RPL7A: variants seen among roughly 807,000 people sequenced by gnomAD.
RPL7A encodes the protein ribosomal protein L7a.
For missense variants in RPL7A, 291 were observed against 338.2 expected (o/e 0.86, Z 1.09); for synonymous variants, 158 against 128.2 (o/e 1.23, Z -1.57).
intron 4 of RPL7A, 71 bp downstream of exon 4, chr9:133,350,123 A>T (rs2129991526): frequency 1.2e-6 from 2 of 1,613,766 alleles, no homozygotes; most frequent in South Asian, 2.2e-5. Context: ...TCTTGGCCTG[A>T]AATTACTGTG....
rs1490553813 is a variant in RPL7A, at chr9:133,350,316, C to T, written c.492C>T (p.Ile164=). ...LVVIAHDVDP[I]ELVVFLPALC... ...TGATTGCACACGACGTGGATCCCAT[C>T]GAGGTGCGTTTGCCTGTTGACTGCT... Residue 164 remains isoleucine, a synonymous_variant, in exon 5 of 8, where the codon ATC becomes ATT. Transcript: ENST00000323345. 32 of 1,613,828 alleles carry T rather than the reference C, an allele frequency of 2.0e-5. No individual in the cohort carries two copies. The highest frequency in any genetic ancestry group is 6.7e-5 in the East Asian group (3 of 44,886).
rs200168190 is a variant in RPL7A, at chr9:133,348,233, C to T, written c.-11C>T. On this transcript the variant is annotated 5_prime_UTR_variant, in exon 1 of 8. Transcript: ENST00000323345. ...ATTCCCTTTCCTTTCTCTCTCCTCC[C>T]GCCGCCCAAGATGGTGAGTGAGCTG... 105 of 1,614,114 alleles carry T rather than the reference C, an allele frequency of 6.5e-5. No individual in the cohort carries two copies. In the African/African-American group the frequency reaches 7.9e-4, roughly 12 times the overall value.
At chr9:133,351,154 C>A in intron 7 of RPL7A, 83 bp downstream of exon 7, 1 of 1,545,082 alleles carries the variant, frequency 6.5e-7, no homozygotes, top group Non-Finnish European at 8.9e-7. Context: ...ATGAGAAGTT[C>A]TATCTGACGA....
intron 1 of RPL7A, 197 bp from the exon 2 acceptor site, chr9:133,348,725 C>G (rs1217457654): frequency 9.5e-6 from 8 of 843,022 alleles, no homozygotes; most frequent in African/African-American, 1.7e-5. Context: ...TCGGGGTTCC[C>G]GGGGCTGCAT....
In RPL7A at chr9:133,349,998, A is replaced by G. The variant is rs2129990570; in HGVS notation, c.361A>G (p.Lys121Glu). ...KQRLLARAEK[K>E]AAGKGDVPTK... ...GAGACTGTTGGCCCGGGCCGAGAAG[A>G]AGGCTGCTGGCAAAGGGGACGTCCC... Residue 121 changes from lysine (K) to glutamate (E), a missense_variant, in exon 4 of 8, where the codon AAG (lysine) becomes GAG (glutamate). Lys to Glu is a moderately conservative substitution (Grantham distance 56). Transcript: ENST00000323345. 8.1e-6 allele frequency: 13 copies of G among 1,612,834 alleles called. No individual in the cohort carries two copies. Among genetic ancestry groups the G allele is most frequent in the East Asian group, 2.2e-5 (1 of 44,884 alleles).
At position 133,348,696 on chromosome 9, in the gene RPL7A, T is replaced by A. The variant is rs1047828542; in HGVS notation, c.4-226T>A. On this transcript the variant is annotated intron_variant, in intron 1 of 7. Transcript: ENST00000323345. ...ACGCGAAGAGAGCGTGGTCTCGGGC[T>A]TAGCCTTGCTCTGGCCACTCGGGGT... 1.1e-5 allele frequency: 8 copies of A among 734,474 alleles called. 2 individuals are homozygous for A. The highest frequency in any genetic ancestry group is 7.4e-5 in the South Asian group (5 of 67,240). 45.5% of individuals were successfully genotyped at this position (734,474 alleles called of 1,614,324 possible).
intron 3 of RPL7A, 69 bp downstream of exon 3, chr9:133,349,769 G>A (rs1433979006): frequency 6.3e-7 from 1 of 1,599,848 alleles, no homozygotes; most frequent in African/African-American, 1.3e-5. Context: ...AACATGAGGG[G>A]GATGGTCTTA....
At chr9:133,350,184 C>T in intron 4 of RPL7A, 56 bp from the exon 5 acceptor site, 2 of 1,611,450 alleles carry the variant, frequency 1.2e-6, no homozygotes, top group Non-Finnish European at 1.7e-6. Context: ...AGCCCAGCAG[C>T]TTCTTGTGAC....
intron 3 of RPL7A, 106 bp downstream of exon 3, chr9:133,349,806 A>T: frequency 6.3e-7 from 1 of 1,580,200 alleles, no homozygotes; most frequent in Non-Finnish European, 8.6e-7. Flanking sequence ...GTTGTCATTA[A>T]ATTATAGTCA....
At position 133,351,264 on chromosome 9, in the gene RPL7A, C is replaced by G. The variant is rs1836391541; in HGVS notation, c.699C>G (p.Ile233Met). 1 of 1,613,516 alleles carries G rather than the reference C, an allele frequency of 6.2e-7. No individual in the cohort carries two copies. Among genetic ancestry groups the G allele is most frequent in the African/African-American group, 1.3e-5 (1 of 74,910 alleles). ...RTNYNDRYDE[I>M]RRHWGGNVLG... is the part of the protein sequence containing the mutation. ...ACTGCCTCTTTTTGTCTTTTCAGAT[C>G]CGCCGTCACTGGGGTGGCAATGTCC... Residue 233 changes from isoleucine to methionine, a missense_variant and splice_region_variant, in exon 8 of 8, where the codon ATC becomes ATG. By Grantham distance (10) the Ile-to-Met change is conservative. Transcript: ENST00000323345.
intron 2 of RPL7A, 136 bp from the exon 3 acceptor site, chr9:133,349,415 T>C (rs2129985796): frequency 8.3e-6 from 9 of 1,086,992 alleles, no homozygotes; most frequent in South Asian, 5.0e-5. Flanking sequence ...TGTAAAAGAA[T>C]ATTTGCTATC....
chr9:133,351,215 C>G lies in RPL7A; in HGVS notation c.697-47C>G, dbSNP rs112786994. ...TAACGCAACTAATAACCTTGAAAAT[C>G]TCAGAAAACAGTAAGCCAAGCTAAC... On this transcript the variant is annotated intron_variant, in intron 7 of 7. Coordinates refer to ENST00000323345, the MANE Select transcript of RPL7A (RefSeq NM_000972.3). 1.4e-5 allele frequency: 22 copies of G among 1,587,562 alleles called. 1 individual carries two copies. Among genetic ancestry groups the G allele is most frequent in the African/African-American group, 1.1e-4 (8 of 74,480 alleles).
chr9:133,348,856 C>T (rs2129981573), intron 1 of RPL7A, 66 bp from the exon 2 acceptor site: 2 of 1,612,246 alleles, frequency 1.2e-6, no homozygotes, highest in Non-Finnish European at 1.7e-6. Context: ...GAGGAGCCAG[C>T]CTGAGCCCTA....
chr9:133,348,335 C>G, intron 1 of RPL7A, 89 bp downstream of exon 1: 1 of 1,553,946 alleles, frequency 6.4e-7, no homozygotes, highest in Non-Finnish European at 8.9e-7. Context: ...GGAGGGCCTC[C>G]TGCTCCTCCT....
At chr9:133,350,459 C>T in intron 5 of RPL7A, 138 bp from the exon 6 acceptor site, 1 of 1,516,210 alleles carries the variant, frequency 6.6e-7, no homozygotes, top group Non-Finnish European at 9.2e-7. Context: ...GTGGCTCTTG[C>T]AATGATGTGA....
rs2129976827 is a variant in RPL7A, at chr9:133,348,221, T to C, written c.-23T>C. Reference sequence around the variant, plus strand: ...ATATTACCCACAATTCCCTTTCCTTTCTCTCTCCTCCCGCCGCCCAAGATG... The same window carrying C: ...ATATTACCCACAATTCCCTTTCCTTCCTCTCTCCTCCCGCCGCCCAAGATG... On this transcript the variant is annotated 5_prime_UTR_variant, in exon 1 of 8. Coordinates refer to ENST00000323345, the MANE Select transcript of RPL7A (RefSeq NM_000972.3). 4 of 1,613,802 alleles carry C rather than the reference T, an allele frequency of 2.5e-6. No homozygotes were observed. Among genetic ancestry groups the C allele is most frequent in the Admixed American group, 1.7e-5 (1 of 60,002 alleles).
Position 133,351,263 on chromosome 9 carries a change from T to G in RPL7A, c.698T>G (p.Ile233Ser). 2 of 1,613,780 alleles carry G rather than the reference T, an allele frequency of 1.2e-6. No homozygotes were observed. The highest frequency in any genetic ancestry group is 1.7e-6 in the Non-Finnish European group (2 of 1,179,704). Residue 233 changes from isoleucine to serine, a missense_variant and splice_region_variant, in exon 8 of 8, where the codon ATC becomes AGC. By Grantham distance (142) the Ile-to-Ser change is moderately radical. Coordinates refer to ENST00000323345, the MANE Select transcript of RPL7A (RefSeq NM_000972.3). ...RTNYNDRYDE[I>S]RRHWGGNVLG... ...AACTGCCTCTTTTTGTCTTTTCAGA[T>G]CCGCCGTCACTGGGGTGGCAATGTC...
Position 133,348,935 on chromosome 9 carries a change from A to C in RPL7A, c.17A>C (p.Lys6Thr), listed in dbSNP as rs2129982276. ...CTTTCTGCCCAGCCGAAAGGAAAGA[A>C]GGCCAAGGGAAAGAAGGTGGCTCCG... MPKGKKAKGKKVAPAP... is the reference protein window; with the variant it reads MPKGKTAKGKKVAPAP... The change falls in exon 2 of 8, where the codon AAG (lysine) becomes ACG (threonine). Residue 6 changes from lysine (K) to threonine (T), a missense_variant. By Grantham distance (78) the Lys-to-Thr change is moderately conservative. Coordinates refer to ENST00000323345, the MANE Select transcript of RPL7A (RefSeq NM_000972.3). The C allele has an allele frequency of 3.1e-6, 5 of 1,613,984 alleles. No homozygotes were observed. Among genetic ancestry groups the C allele is most frequent in the African/African-American group, 1.3e-5 (1 of 75,056 alleles).
chr9:133,350,918 T>C (rs2129996950), intron 6 of RPL7A, 84 bp from the exon 7 acceptor site: 5 of 1,527,372 alleles, frequency 3.3e-6, no homozygotes, highest in Non-Finnish European at 4.5e-6. Context: ...GGCAAAAGAC[T>C]GTCTTGAGCT....
Sources: gnomAD v4.1 joint callset for allele counts on GRCh38, gnomAD v4.1.1 for gene constraint, MANE v1.5 for transcripts, NCBI Gene and HGNC (gene_info 2026-07-23, HGNC 2026-07-21) for gene names.